FUBP3: variants seen among roughly 807,000 people sequenced by gnomAD.
FUBP3 encodes the protein far upstream element binding protein 3.
Under a neutral mutation model 85.6 loss-of-function variants are expected in FUBP3, and 28 were observed. The observed-to-expected ratio is 0.33, with a 90% CI of 0.24 to 0.45. The LOEUF is 0.45. Ranked by LOEUF, FUBP3 falls within the 20% of genes least tolerant of loss-of-function variation. The pLI is 1.00. For synonymous variants in FUBP3, 271 were observed against 271.4 expected (o/e 1.00, Z 0.01); for missense variants, 583 against 755.1 (o/e 0.77, Z 2.67).
At chr9:130,619,765 T>C (rs991002691) in intron 8 of FUBP3, among the ~76,000 whole-genome samples, 3 of 152,238 alleles carry the variant, frequency 2.0e-5, no homozygotes, top group Admixed American at 6.5e-5. Context: ...GCCTGGGATA[T>C]AGTGACGTCC....
chr9:130,632,406 G>T (rs1830250700), intron 16 of FUBP3, 128 bp downstream of exon 16: 1 of 710,916 alleles, frequency 1.4e-6, no homozygotes, highest in Admixed American at 2.2e-5. Context: ...ATGACAAGGA[G>T]CCCTCTGGGT....
At chr9:130,623,574 G>A (rs1403644970) in intron 10 of FUBP3, 37 bp from the exon 11 acceptor site, 17 of 1,326,528 alleles carry the variant, frequency 1.3e-5, no homozygotes, top group African/African-American at 5.8e-5. Flanking sequence ...CTAACGTTGG[G>A]CTTTTTTCTA....
At chr9:130,634,465 C>G (rs1172167187) in intron 16 of FUBP3, among the ~76,000 whole-genome samples, 1 of 152,226 alleles carries the variant, frequency 6.6e-6, no homozygotes, top group African/African-American at 2.4e-5. Flanking sequence ...CCTCGTGTGC[C>G]CAGCCCCACC....
At chr9:130,583,850 G>A (rs1278523422) in intron 1 of FUBP3, among the ~76,000 whole-genome samples, 1 of 152,026 alleles carries the variant, frequency 6.6e-6, no homozygotes, top group Non-Finnish European at 1.5e-5. Flanking sequence ...TGTCTCTAAG[G>A]CTTTTCTCAT....
chr9:130,632,070 G>T (rs747307463), intron 15 of FUBP3, 48 bp downstream of exon 15: 2 of 1,507,160 alleles, frequency 1.3e-6, no homozygotes, highest in East Asian at 2.3e-5. Context: ...CACTAAGGTG[G>T]TCACTTGGCT....
chr9:130,608,711 G>A (rs1564205046), intron 2 of FUBP3, among the ~76,000 whole-genome samples: 1 of 152,226 alleles, frequency 6.6e-6, no homozygotes, highest in Non-Finnish European at 1.5e-5. Context: ...TATTTTGGCT[G>A]TAGACCATTA....
At chr9:130,613,454 G>T (rs1383101718) in intron 5 of FUBP3, among the ~76,000 whole-genome samples, 2 of 152,198 alleles carry the variant, frequency 1.3e-5, no homozygotes, top group Non-Finnish European at 2.9e-5. Flanking sequence ...ATAGCTGGGG[G>T]TCCTGGCTGA....
At chr9:130,591,850 C>T (rs928732457) in intron 1 of FUBP3, among the ~76,000 whole-genome samples, 1 of 152,228 alleles carries the variant, frequency 6.6e-6, no homozygotes, top group East Asian at 1.9e-4. Flanking sequence ...TTTATCATGG[C>T]GGCTTTGGAG....
At chr9:130,590,021 ATTTTTTTTTTTTTTT>A (rs60878897) in intron 1 of FUBP3, among the ~76,000 whole-genome samples, 32 of 46,000 alleles carry the variant, frequency 7.0e-4, no homozygotes, top group African/African-American at 2.4e-3. Flanking sequence ...GGCCTATTTA[ATTTTTTTTTTTTTTT>A]TTTTTTTTTT....
At position 130,589,671 on chromosome 9, in the gene FUBP3, G is replaced by GTGTGTGTGTGTATGTGTA. The variant is rs1305199273; in HGVS notation, c.85-5807_85-5806insGTGTGTATGTGTATGTGT. Among the ~76,000 whole-genome samples the GTGTGTGTGTGTATGTGTA allele has an allele frequency of 9.2e-3, 230 of 25,036 alleles. 3 individuals are homozygous for GTGTGTGTGTGTATGTGTA. Among genetic ancestry groups the GTGTGTGTGTGTATGTGTA allele is most frequent in the Middle Eastern group, 0.014 (1 of 72 alleles). The allele number at this position is 25,036 out of a possible 152,430, so 16.4% of individuals were successfully genotyped here. ...ATTTATTTTAAATATGTATGTATGT[G>GTGTGTGTGTGTATGTGTA]TGTGTATATATATATATATATATAT... On this transcript the variant is annotated intron_variant, in intron 1 of 18. Coordinates refer to ENST00000319725, the MANE Select transcript of FUBP3 (RefSeq NM_003934.2).
In FUBP3 at chr9:130,616,290, C is replaced by T. The variant is rs2119081011; in HGVS notation, c.405-65C>T. The T allele has an allele frequency of 6.6e-7, 1 of 1,514,604 alleles. No homozygotes were observed. The allele number at this position is 1,514,604 out of a possible 1,614,324, so 93.8% of individuals were successfully genotyped here. A position where few individuals can be genotyped will look rare whatever the true frequency, so the allele number is the denominator to read the frequency against. ...AGGTTTTTCCCTCAGTGCTATTTCC[C>T]TGTCTTGCACACTTAGAGCCTCCAT... is the stretch of plus-strand genomic sequence containing the variant. On this transcript the variant is annotated intron_variant, in intron 6 of 18. Coordinates refer to ENST00000319725, the MANE Select transcript of FUBP3 (RefSeq NM_003934.2). This position sits in a 1 kb window ranked among gnomAD's most constrained non-coding sequence, Gnocchi z 4.7.
chr9:130,597,277 A>G (rs531564607), intron 2 of FUBP3, among the ~76,000 whole-genome samples: 1 of 152,238 alleles, frequency 6.6e-6, no homozygotes, highest in South Asian at 2.1e-4. Context: ...AATAGACCCA[A>G]ATAACACCTC....
At chr9:130,593,650 C>T (rs1830731422) in intron 1 of FUBP3, among the ~76,000 whole-genome samples, 1 of 152,150 alleles carries the variant, frequency 6.6e-6, no homozygotes, top group African/African-American at 2.4e-5. Flanking sequence ...CAGGTAATTT[C>T]TGTTGGTCCC....
rs200792962 is a variant in FUBP3, at chr9:130,609,952, A to G, written c.191-2A>G. 56 of 1,607,418 alleles carry G rather than the reference A, an allele frequency of 3.5e-5. 1 individual carries two copies. The highest frequency in any genetic ancestry group is 4.7e-5 in the Non-Finnish European group (55 of 1,174,840). On this transcript the variant is annotated splice_acceptor_variant, in intron 2 of 18. Coordinates refer to ENST00000319725, the MANE Select transcript of FUBP3 (RefSeq NM_003934.2). LOFTEE classifies it high-confidence loss of function. ...TTTTTTTTCTCTTTCTCTTTGCCAC[A>G]GTAGGTAACCAGTTAGGGGCCTTGG... is the stretch of plus-strand genomic sequence containing the variant.
At chr9:130,609,403 G>C (rs938872087) in intron 2 of FUBP3, among the ~76,000 whole-genome samples, 3 of 150,918 alleles carry the variant, frequency 2.0e-5, no homozygotes, top group African/African-American at 7.3e-5. Flanking sequence ...GGAGGTAGGA[G>C]GCTGGATCCT....
At position 130,616,189 on chromosome 9, in the gene FUBP3, G is replaced by A. The variant is rs968158351; in HGVS notation, c.405-166G>A. Among the ~76,000 whole-genome samples, 2 of 152,206 alleles carry A rather than the reference G, an allele frequency of 1.3e-5. No homozygotes were observed. Among genetic ancestry groups the A allele is most frequent in the East Asian group, 1.9e-4 (1 of 5,196 alleles). On this transcript the variant is annotated intron_variant, in intron 6 of 18. Coordinates refer to ENST00000319725, the MANE Select transcript of FUBP3 (RefSeq NM_003934.2). This position sits in a 1 kb window ranked among gnomAD's most constrained non-coding sequence, Gnocchi z 4.7. ...TGCTTTTAAATTCCAGCCCGGTAGC[G>A]TGGCGGATGGCAGAGAGACCTCCGG...
At chr9:130,583,007 G>A (rs146463789) in intron 1 of FUBP3, among the ~76,000 whole-genome samples, 43 of 152,306 alleles carry the variant, frequency 2.8e-4, no homozygotes, top group African/African-American at 1.0e-3. Context: ...CCTCTGGATT[G>A]TATAACTACA....
At chr9:130,623,508 T>C in intron 10 of FUBP3, 103 bp from the exon 11 acceptor site, 5 of 758,914 alleles carry the variant, frequency 6.6e-6, no homozygotes, top group South Asian at 1.6e-5. Context: ...CTGTTGCCCC[T>C]TTTGGCACCG....
intron 11 of FUBP3, among the ~76,000 whole-genome samples, chr9:130,626,092 C>T (rs1829960351): frequency 6.6e-6 from 1 of 152,184 alleles, no homozygotes; most frequent in African/African-American, 2.4e-5. Flanking sequence ...GGGCTTCAGC[C>T]TTGGAGTTTG....
Sources: gnomAD v4.1 joint callset for allele counts (sites outside exome capture counted in the v4.1 genomes callset) on GRCh38, gnomAD v4.1.1 for gene constraint, Gnocchi (gnomAD v3.1) non-coding constraint, MANE v1.5 for transcripts, NCBI Gene and HGNC (gene_info 2026-07-23, HGNC 2026-07-21) for gene names.